Variants in CCBE1 observed in about 807,000 individuals in gnomAD.
CCBE1 encodes collagen and calcium binding EGF domains 1.
In CCBE1, 37 loss-of-function variants were observed where a neutral mutation model predicts 50.0. The observed-to-expected ratio is 0.74, with a 90% CI of 0.57 to 0.97. CCBE1 has a LOEUF of 0.97. Among genes scored for constraint, CCBE1 ranks in the 50% least tolerant of loss-of-function variants. The pLI is 0.00. For synonymous variants in CCBE1, 234 were observed against 203.7 expected (o/e 1.15, Z -1.27); for missense variants, 538 against 523.8 (o/e 1.03, Z -0.26).
rs886910122 is a variant in CCBE1 at position 59,431,702 on chromosome 18, T to G, written c.*4206A>C. 1 of 152,270 alleles carries G rather than the reference T, an allele frequency of 6.6e-6. No individual in the cohort carries two copies. Among genetic ancestry groups the G allele is most frequent in the African/African-American group, 2.4e-5 (1 of 41,466 alleles). The allele number at this position is 152,270 out of a possible 1,614,324, so 9.4% of individuals were successfully genotyped here. A position where few individuals can be genotyped will look rare whatever the true frequency, so the allele number is the denominator to read the frequency against. On this transcript the variant is annotated 3_prime_UTR_variant, in exon 11 of 11. Transcript: ENST00000439986. ...GTATTTGGTGGGGTAATACTCACCT[T>G]TCCTTCCTTCCAAAACCAATGAACA...
chr18:59,655,953 T>G (rs2054183732), intron 2 of CCBE1, among the ~76,000 whole-genome samples: 1 of 152,258 alleles, frequency 6.6e-6, no homozygotes, highest in Admixed American at 6.5e-5. Flanking sequence ...TAGGATGTTT[T>G]CACAAACCTG....
At chr18:59,595,473 A>G (rs2053337782) in intron 2 of CCBE1, among the ~76,000 whole-genome samples, 1 of 152,162 alleles carries the variant, frequency 6.6e-6, no homozygotes, top group African/African-American at 2.4e-5. Context: ...AAATCCAAGA[A>G]AACTGCTTGG....
rs964303785 is a variant in CCBE1 at position 59,697,259 on chromosome 18, C to A, written c.84G>T (p.Ala28=). 3.5e-5 allele frequency: 55 copies of A among 1,549,342 alleles called. No homozygotes were observed. In the Admixed American group the frequency reaches 1.0e-3, roughly 29 times the overall value. ...RSLGPLLLLL[A]LGHTWTYREE... Reference sequence around the variant, plus strand: ...CTCTGTAGGTCCACGTGTGTCCCAACGCCAGGAGCAGCAGCAGCGGACCCA... The same window carrying A: ...CTCTGTAGGTCCACGTGTGTCCCAAAGCCAGGAGCAGCAGCAGCGGACCCA... Residue 28 remains alanine, a synonymous_variant, in exon 1 of 11, where the codon GCG becomes GCT. Coordinates refer to ENST00000439986, the MANE Select transcript of CCBE1 (RefSeq NM_133459.4).
chr18:59,480,055 A>C (rs1912493225), intron 3 of CCBE1, 131 bp downstream of exon 3: 1 of 691,208 alleles, frequency 1.4e-6, no homozygotes, highest in African/African-American at 1.8e-5. Flanking sequence ...TGATGCCAAA[A>C]AATATACACA....
At chr18:59,649,440 A>G (rs1181803213) in intron 2 of CCBE1, among the ~76,000 whole-genome samples, 1 of 152,278 alleles carries the variant, frequency 6.6e-6, no homozygotes, top group African/African-American at 2.4e-5. Flanking sequence ...AAAGTCCTTT[A>G]TAAGTTAAAG....
chr18:59,578,396 T>G (rs527658114), intron 2 of CCBE1, among the ~76,000 whole-genome samples: 1 of 152,328 alleles, frequency 6.6e-6, no homozygotes, highest in East Asian at 1.9e-4. Flanking sequence ...TGGCAATTCC[T>G]CAAGGATCTA....
chr18:59,542,622 G>A (rs1915513850), intron 2 of CCBE1, among the ~76,000 whole-genome samples: 2 of 152,176 alleles, frequency 1.3e-5, no homozygotes, highest in African/African-American at 4.8e-5. Context: ...AAAAAGGCAA[G>A]CACTGTTTTA....
chr18:59,457,753 CT>C (rs1251684007), intron 5 of CCBE1, among the ~76,000 whole-genome samples: 1 of 152,250 alleles, frequency 6.6e-6, no homozygotes, highest in Middle Eastern at 3.4e-3. Flanking sequence ...AGTCCAATAC[CT>C]TTTCCACAAA....
chr18:59,613,299 C>T (rs936516735), intron 2 of CCBE1, among the ~76,000 whole-genome samples: 9 of 152,114 alleles, frequency 5.9e-5, no homozygotes, highest in African/African-American at 2.2e-4. Context: ...AATATGTTTT[C>T]TGTCAGTGTG....
At chr18:59,617,161 C>A (rs1357938924) in intron 2 of CCBE1, among the ~76,000 whole-genome samples, 2 of 152,166 alleles carry the variant, frequency 1.3e-5, no homozygotes, top group African/African-American at 4.8e-5. Flanking sequence ...CAGTAATAAC[C>A]AAGATCATCA....
rs1909961924 is a variant in CCBE1, at chr18:59,432,011, T to G, written c.*3897A>C. 1 of 152,332 alleles carries G rather than the reference T, an allele frequency of 6.6e-6. No homozygotes were observed. 9.4% of individuals were successfully genotyped at this position (152,332 alleles called of 1,614,324 possible). A position where few individuals can be genotyped will look rare whatever the true frequency, so the allele number is the denominator to read the frequency against. On this transcript the variant is annotated 3_prime_UTR_variant, in exon 11 of 11. Transcript: ENST00000439986. ...ACTCTGTAGCCAGGCTGGAGTGCAG[T>G]GGCGCAATCTTGGCTCACTGCAACC...
intron 2 of CCBE1, among the ~76,000 whole-genome samples, chr18:59,598,376 T>C: frequency 6.6e-6 from 1 of 152,164 alleles, no homozygotes; most frequent in East Asian, 1.9e-4. Context: ...GCCACAAACA[T>C]GGTCTGCACC....
Position 59,581,058 on chromosome 18 carries a change from C to T in CCBE1, c.213-100820G>A, listed in dbSNP as rs73454482. The stretch of plus-strand genomic sequence containing the variant: ...AAACTGAAGTGACAACTTTTCATAC[C>T]GCTTGACACTGAGGGGAGGCTGAGT... On this transcript the variant is annotated intron_variant, in intron 2 of 10. Transcript: ENST00000439986. 1.1e-3 allele frequency among the ~76,000 whole-genome samples: 172 copies of T among 152,256 alleles called. 1 individual carries two copies. The highest frequency in any genetic ancestry group is 4.0e-3 in the African/African-American group (167 of 41,542).
chr18:59,622,132 G>A (rs1257565637), intron 2 of CCBE1, among the ~76,000 whole-genome samples: 2 of 152,196 alleles, frequency 1.3e-5, no homozygotes, highest in East Asian at 3.9e-4. Context: ...CTCTTCCATG[G>A]CCACCTCCAA....
At position 59,469,485 on chromosome 18, in the gene CCBE1, G is replaced by T; in HGVS notation, c.388C>A (p.Pro130Thr). 6.2e-7 allele frequency: 1 copy of T among 1,614,164 alleles called. No individual in the cohort carries two copies. Among genetic ancestry groups the T allele is most frequent in the Non-Finnish European group, 8.5e-7 (1 of 1,180,034 alleles). ...ATTCCCAACACACCCAGACAGTATG[G>T]CTTCTCCCGCTTCCGGTGTCTCTCC... is the stretch of plus-strand genomic sequence containing the variant. ...DRERHRKREK[P>T]YCLDIDECAS... The change falls in exon 4 of 11, where the codon CCA (proline) becomes ACA (threonine). Residue 130 changes from proline (P) to threonine (T), a missense_variant. Transcript: ENST00000439986.
intron 2 of CCBE1, among the ~76,000 whole-genome samples, chr18:59,582,599 G>T (rs1169822636): frequency 6.6e-6 from 1 of 152,110 alleles, no homozygotes; most frequent in Non-Finnish European, 1.5e-5. Flanking sequence ...TAGTGATGGG[G>T]GAAGGGAGCC....
intron 2 of CCBE1, among the ~76,000 whole-genome samples, chr18:59,660,030 G>T (rs1161026629): frequency 6.6e-6 from 1 of 152,166 alleles, no homozygotes; most frequent in Non-Finnish European, 1.5e-5. Flanking sequence ...GAGCTCATGT[G>T]TAGTTCTCCA....
At chr18:59,520,754 T>C (rs1914564092) in intron 2 of CCBE1, among the ~76,000 whole-genome samples, 1 of 152,248 alleles carries the variant, frequency 6.6e-6, no homozygotes, top group Non-Finnish European at 1.5e-5. Flanking sequence ...CATAATGATT[T>C]TGAGTTGAGC....
chr18:59,544,915 T>G (rs978895575), intron 2 of CCBE1, among the ~76,000 whole-genome samples: 10 of 152,228 alleles, frequency 6.6e-5, no homozygotes, highest in Admixed American at 2.0e-4. Flanking sequence ...AGTCCTGACT[T>G]TTGAAAACCT....
Sources: allele counts gnomAD v4.1 joint callset (sites outside exome capture counted in the v4.1 genomes callset), GRCh38; gene constraint gnomAD v4.1.1; transcripts MANE v1.5; gene names NCBI Gene and HGNC (gene_info 2026-07-23, HGNC 2026-07-21).